Variants in EPB41L1 observed in about 807,000 individuals in gnomAD.
EPB41L1 encodes the protein band 4.1-like protein 1.
A neutral mutation model predicts 97.8 loss-of-function variants in EPB41L1; 29 were observed. That is an observed-to-expected ratio of 0.30 (90% CI 0.22 to 0.40). EPB41L1 has a LOEUF of 0.40. Ranked by LOEUF, EPB41L1 falls within the 10% of genes least tolerant of loss-of-function variation. The probability of loss-of-function intolerance (pLI) is 1.00; values close to 1 mark genes in which losing one functional copy is unlikely to be tolerated. For missense variants in EPB41L1, 812 were observed against 1,162.3 expected (o/e 0.70, Z 4.38); for synonymous variants, 383 against 459.2 (o/e 0.83, Z 2.12).
At chr20:36,148,260 A>G (rs899435013) in intron 2 of EPB41L1, among the ~76,000 whole-genome samples, 1 of 152,234 alleles carries the variant, frequency 6.6e-6, no homozygotes, top group Non-Finnish European at 1.5e-5. Context: ...AAACCCTTGG[A>G]CAGGTCACAT....
intron 1 of EPB41L1, among the ~76,000 whole-genome samples, chr20:36,164,099 C>T (rs1569176503): frequency 6.6e-6 from 1 of 152,216 alleles, no homozygotes; most frequent in Admixed American, 6.5e-5. Context: ...CCACCTTGGC[C>T]TCCCAAAATG....
intron 2 of EPB41L1, among the ~76,000 whole-genome samples, chr20:36,141,643 C>T (rs2059643503): frequency 6.6e-6 from 1 of 152,202 alleles, no homozygotes; most frequent in African/African-American, 2.4e-5. Context: ...AGGTAACAGA[C>T]CTTTCTTATA....
At chr20:36,182,845 G>T (rs531736355) in intron 6 of EPB41L1, among the ~76,000 whole-genome samples, 28 of 152,352 alleles carry the variant, frequency 1.8e-4, no homozygotes, top group African/African-American at 6.7e-4. Context: ...AGCATTGGGA[G>T]TATGGAGAGG....
chr20:36,213,263 T>C (rs1383079170), intron 16 of EPB41L1, among the ~76,000 whole-genome samples: 1 of 152,098 alleles, frequency 6.6e-6, no homozygotes, highest in Non-Finnish European at 1.5e-5. Context: ...CTGGGCATGG[T>C]AGCACATGCC....
chr20:36,126,476 C>A (rs950609436), intron 2 of EPB41L1, among the ~76,000 whole-genome samples: 1 of 151,716 alleles, frequency 6.6e-6, no homozygotes, highest in African/African-American at 2.4e-5. Context: ...AAGCGATTCT[C>A]CTAACTCAGC....
intron 14 of EPB41L1, chr20:36,205,893 A>T: frequency 7.8e-7 from 1 of 1,289,874 alleles, no homozygotes; most frequent in South Asian, 1.2e-5. Context: ...ACACTAGGCC[A>T]GAAGAGCTCG....
chr20:36,112,739 C>T (rs1440471705), intron 2 of EPB41L1, among the ~76,000 whole-genome samples: 6 of 152,188 alleles, frequency 3.9e-5, no homozygotes, highest in Non-Finnish European at 8.8e-5. Flanking sequence ...GCCTCTATTG[C>T]TCATCCATGC....
intron 14 of EPB41L1, among the ~76,000 whole-genome samples, chr20:36,198,994 C>T (rs1007777386): frequency 1.1e-4 from 17 of 152,060 alleles, no homozygotes; most frequent in Non-Finnish European, 2.4e-4. Context: ...TACCTTGATG[C>T]GCAGTGTGAG....
chr20:36,101,744 C>G (rs1191715992), intron 1 of EPB41L1, among the ~76,000 whole-genome samples: 1 of 152,146 alleles, frequency 6.6e-6, no homozygotes, highest in Non-Finnish European at 1.5e-5. Context: ...TGCCATGGCT[C>G]ATGCCTGTAA....
rs146637110 is a variant in EPB41L1 at position 36,188,376 on chromosome 20, C to T, written c.903C>T (p.Gly301=). ...KDSEGIDIML[G]VCANGLLIYR... ...CTGAGGGCATCGACATCATGTTAGG[C>T]GTTTGTGCCAATGGCCTGCTCATCT... is the stretch of plus-strand genomic sequence containing the variant. The change falls in exon 9 of 22, where the codon GGC becomes GGT. Residue 301 remains glycine, a synonymous_variant. Coordinates refer to ENST00000338074, the MANE Select transcript of EPB41L1 (RefSeq NM_012156.2). 2.5e-4 allele frequency: 402 copies of T among 1,613,842 alleles called. No homozygotes were observed. In the Middle Eastern group the frequency reaches 3.9e-3, roughly 16 times the overall value.
intron 2 of EPB41L1, among the ~76,000 whole-genome samples, chr20:36,139,365 A>G (rs1413317991): frequency 1.3e-5 from 2 of 152,376 alleles, no homozygotes; most frequent in Middle Eastern, 3.4e-3. Context: ...TTCGAGTTTT[A>G]TAAGTTCAAG....
chr20:36,192,118 C>T (rs1236069413), intron 11 of EPB41L1, among the ~76,000 whole-genome samples: 2 of 151,820 alleles, frequency 1.3e-5, no homozygotes, highest in Admixed American at 6.6e-5. Flanking sequence ...CTCAGCTACT[C>T]GGGAGGCTGA....
At position 36,127,000 on chromosome 20, in the gene EPB41L1, T is replaced by C. The variant is rs373159776; in HGVS notation, c.-10+14520T>C. Among the ~76,000 whole-genome samples, 8 of 152,322 alleles carry C rather than the reference T, an allele frequency of 5.3e-5. No homozygotes were observed. The East Asian group carries it at 1.4e-3, about 26-fold the overall frequency. Reference sequence around the variant, plus strand: ...GAGGAGGATAGGGGTGATGAACTGATGAACATCAGCACAGCCCCCGGCCCA... The same window carrying C: ...GAGGAGGATAGGGGTGATGAACTGACGAACATCAGCACAGCCCCCGGCCCA... On this transcript the variant is annotated intron_variant, in intron 2 of 19. Transcript: ENST00000202028.
chr20:36,169,447 C>T (rs904407300), intron 1 of EPB41L1, among the ~76,000 whole-genome samples: 6 of 152,082 alleles, frequency 3.9e-5, no homozygotes, highest in African/African-American at 9.7e-5. Flanking sequence ...CTGGCAGCAA[C>T]GCTTAGTGTT....
chr20:36,115,811 G>C (rs941750148), intron 2 of EPB41L1, among the ~76,000 whole-genome samples: 6 of 152,170 alleles, frequency 3.9e-5, no homozygotes, highest in African/African-American at 1.4e-4. Context: ...AGAATTGCTT[G>C]AACTCGGGAG....
At chr20:36,164,346 G>A (rs1457354754) in intron 1 of EPB41L1, among the ~76,000 whole-genome samples, 3 of 152,246 alleles carry the variant, frequency 2.0e-5, no homozygotes. Context: ...AGTTGTCTTA[G>A]TAACTGACTA....
rs911916581 is a variant in EPB41L1, at chr20:36,093,045, GC to G, written c.-65+1434del. 1 of 152,836 alleles carries G rather than the reference GC, an allele frequency of 6.5e-6. No individual in the cohort carries two copies. The highest frequency in any genetic ancestry group is 2.4e-5 in the African/African-American group (1 of 41,440). The allele number at this position is 152,836 out of a possible 1,614,324, so 9.5% of individuals were successfully genotyped here. A position where few individuals can be genotyped will look rare whatever the true frequency, so the allele number is the denominator to read the frequency against. ...CTGGGTGTGTGTTAGGTGTGAGCGCGCGTGTGCCCGTGGATCCGTGCGAGCG... is the reference window on the plus strand; with the variant it reads ...CTGGGTGTGTGTTAGGTGTGAGCGCGGTGTGCCCGTGGATCCGTGCGAGCG... On this transcript the variant is annotated intron_variant, in intron 1 of 19. Coordinates refer to the EPB41L1 transcript ENST00000202028. The surrounding 1 kb of genome is among the most constrained non-coding windows in gnomAD (Gnocchi z 5.4).
chr20:36,232,349 T>C lies in EPB41L1; in HGVS notation c.*3009T>C. 1 of 346,216 alleles carries C rather than the reference T, an allele frequency of 2.9e-6. No individual in the cohort carries two copies. The highest frequency in any genetic ancestry group is 5.2e-6 in the Non-Finnish European group (1 of 193,584). The allele number at this position is 346,216 out of a possible 1,614,324, so 21.4% of individuals were successfully genotyped here. On this transcript the variant is annotated 3_prime_UTR_variant, in exon 22 of 22. Transcript: ENST00000338074. Reference sequence around the variant, plus strand: ...TGGGTGACCATCCTGGCTCAGCTCCTAACTCACCATGTGACATCAGGCTAT... The same window carrying C: ...TGGGTGACCATCCTGGCTCAGCTCCCAACTCACCATGTGACATCAGGCTAT...
chr20:36,126,493 A>G lies in EPB41L1; in HGVS notation c.-10+14013A>G, dbSNP rs548089135. On this transcript the variant is annotated intron_variant, in intron 2 of 19. Transcript: ENST00000202028. Reference sequence around the variant, plus strand: ...GCGATTCTCCTAACTCAGCCTCCCAAATAGCTGGGATTACAGGCATGTGCC... The same window carrying G: ...GCGATTCTCCTAACTCAGCCTCCCAGATAGCTGGGATTACAGGCATGTGCC... 6.6e-5 allele frequency among the ~76,000 whole-genome samples: 10 copies of G among 151,974 alleles called. No homozygotes were observed. The South Asian group carries it at 1.9e-3, about 28-fold the overall frequency.
Sources: allele counts gnomAD v4.1 joint callset (sites outside exome capture counted in the v4.1 genomes callset), GRCh38; gene constraint gnomAD v4.1.1; non-coding constraint Gnocchi (gnomAD v3.1); transcripts MANE v1.5; gene names NCBI Gene and HGNC (gene_info 2026-07-23, HGNC 2026-07-21).